The following SPIC variants were observed in gnomAD, a reference collection of about 807,000 sequenced individuals.
The protein encoded by SPIC is Spi-C transcription factor.
SPIC carries 9 observed loss-of-function variants against 16.7 expected under a neutral mutation model. The ratio of observed to expected loss-of-function variants is 0.54; its 90% confidence interval spans 0.33 to 0.94. SPIC has a LOEUF of 0.94. Among genes scored for constraint, SPIC ranks in the 40% least tolerant of loss-of-function variants. The probability of loss-of-function intolerance (pLI) is 0.03; values close to 1 mark genes in which losing one functional copy is unlikely to be tolerated. For missense variants in SPIC, 241 were observed against 285.8 expected, an observed-to-expected ratio of 0.84 and a Z score of 1.13; for synonymous variants, 97 against 102.9, an observed-to-expected ratio of 0.94 and a Z score of 0.35.
chr12:101,479,176 G>A (rs868730020), intron 3 of SPIC, among the ~76,000 whole-genome samples: 6 of 38,490 alleles, frequency 1.6e-4, no homozygotes, highest in East Asian at 1.2e-3. Flanking sequence ...GAAAGAAAAA[G>A]AAAGAAAGAA....
chr12:101,482,696 C>A, intron 4 of SPIC, 96 bp from the exon 5 acceptor site: 1 of 1,175,888 alleles, frequency 8.5e-7, no homozygotes, highest in Non-Finnish European at 1.2e-6. Context: ...ATCTGGGAGA[C>A]GCTTAGCCTC....
chr12:101,479,463 G>C, intron 3 of SPIC, 119 bp from the exon 4 acceptor site: 2 of 687,756 alleles, frequency 2.9e-6, no homozygotes, highest in Non-Finnish European at 4.9e-6. Flanking sequence ...GAAGTGCAAA[G>C]TGGCAAGAAA....
In SPIC at chr12:101,477,554, A is replaced by G. The variant is rs944790019; in HGVS notation, c.4-4A>G. ...ACTCCAGAATTCTATCATTGTTCCAACAGACGTGTGTTGAACAAGACAAGC... is the reference window on the plus strand; with the variant it reads ...ACTCCAGAATTCTATCATTGTTCCAGCAGACGTGTGTTGAACAAGACAAGC... On this transcript the variant is annotated splice_region_variant and splice_polypyrimidine_tract_variant and intron_variant, in intron 2 of 5. Transcript: ENST00000551346. 4.3e-6 allele frequency: 7 copies of G among 1,613,552 alleles called. No individual in the cohort carries two copies. Among genetic ancestry groups the G allele is most frequent in the Non-Finnish European group, 5.9e-6 (7 of 1,179,478 alleles).
intron 3 of SPIC, among the ~76,000 whole-genome samples, chr12:101,479,145 AAAAG>A (rs1565830978): frequency 2.8e-5 from 4 of 143,242 alleles, no homozygotes; most frequent in East Asian, 2.0e-4. Flanking sequence ...TTAAAAAAAA[AAAAG>A]AAAGAAAAGA....
At chr12:101,484,690 G>A (rs1163956905) in intron 5 of SPIC, among the ~76,000 whole-genome samples, 2 of 150,220 alleles carry the variant, frequency 1.3e-5, no homozygotes, top group South Asian at 4.2e-4. Context: ...AAAATTATAG[G>A]CCAGGCATGG....
At position 101,479,278 on chromosome 12, in the gene SPIC, GAAAGAAAAA is replaced by G. The variant is rs1444498019; in HGVS notation, c.98-303_98-295del. 2.0e-4 allele frequency among the ~76,000 whole-genome samples: 12 copies of G among 60,228 alleles called. 1 individual carries two copies. The highest frequency in any genetic ancestry group is 1.0e-3 in the African/African-American group (11 of 10,946). The allele number at this position is 60,228 out of a possible 152,430, so 39.5% of individuals were successfully genotyped here. On this transcript the variant is annotated intron_variant, in intron 3 of 5. Coordinates refer to ENST00000551346, the MANE Select transcript of SPIC (RefSeq NM_152323.3). ...AGAAGGAAGGAAAGAAAGAAAGAAA[GAAAGAAAAA>G]GAAAGAAAGAAAGAAAGAAAAAAGA...
intron 5 of SPIC, among the ~76,000 whole-genome samples, chr12:101,483,951 C>G (rs908673951): frequency 6.6e-6 from 1 of 151,770 alleles, no homozygotes; most frequent in African/African-American, 2.4e-5. Flanking sequence ...CAGAGAGACT[C>G]CCTCACCAAT....
chr12:101,484,662 G>A (rs1333217731), intron 5 of SPIC, among the ~76,000 whole-genome samples: 1 of 150,876 alleles, frequency 6.6e-6, no homozygotes, highest in East Asian at 2.0e-4. Context: ...ATAATTATAG[G>A]CCAGGCATGG....
At chr12:101,480,993 C>T (rs1239042797) in intron 4 of SPIC, among the ~76,000 whole-genome samples, 1 of 152,182 alleles carries the variant, frequency 6.6e-6, no homozygotes, top group Non-Finnish European at 1.5e-5. Context: ...TAGCATGTGC[C>T]TCACAGCCTC....
rs539976810 is a variant in SPIC at position 101,486,593 on chromosome 12, C to T, written c.569C>T (p.Thr190Ile). Residue 190 changes from threonine to isoleucine, a missense_variant, in exon 6 of 6, where the codon ACT (threonine) becomes ATT (isoleucine). Coordinates refer to ENST00000551346, the MANE Select transcript of SPIC (RefSeq NM_152323.3). The stretch of plus-strand genomic sequence containing the variant: ...ATTACCAAAATCCGGAGGAAGCTGA[C>T]TTACCAGTTCAGTGAGGCCATTCTC... ...GEITKIRRKL[T>I]YQFSEAILQR... The T allele has an allele frequency of 4.2e-5, 68 of 1,613,984 alleles. No homozygotes were observed. Among genetic ancestry groups the T allele is most frequent in the Non-Finnish European group, 5.6e-5 (66 of 1,179,996 alleles).
In SPIC at chr12:101,476,989, C is replaced by G. The variant is rs146495226; in HGVS notation, c.3+82C>G. 2.2e-5 allele frequency: 16 copies of G among 739,896 alleles called. No individual in the cohort carries two copies. The East Asian group carries it at 4.6e-4, about 21-fold the overall frequency. 45.8% of individuals were successfully genotyped at this position (739,896 alleles called of 1,614,324 possible). A position where few individuals can be genotyped will look rare whatever the true frequency, so the allele number is the denominator to read the frequency against. On this transcript the variant is annotated intron_variant, in intron 2 of 5. Coordinates refer to ENST00000551346, the MANE Select transcript of SPIC (RefSeq NM_152323.3). ...AATAATTAAAAAACTTTTTTCTTTA[C>G]TCTCCCTCCATTTTAAAAATAAAAT...
In SPIC at chr12:101,486,510, G is replaced by A. The variant is rs148147534; in HGVS notation, c.486G>A (p.Lys162=). Residue 162 remains lysine (K), a synonymous_variant, in exon 6 of 6, where the codon AAG becomes AAA. Coordinates refer to ENST00000551346, the MANE Select transcript of SPIC (RefSeq NM_152323.3). ...GGGGGAAAAGAAAAGGCAACAGGAA[G>A]ACCATGACTTACCAGAAAATGGCCA... The part of the protein sequence containing the change: ...ELWGKRKGNR[K]TMTYQKMARA... 1.5e-3 allele frequency: 2,375 copies of A among 1,614,130 alleles called. 36 individuals carry two copies. The African/African-American group carries it at 0.026, about 18-fold the overall frequency.
intron 3 of SPIC, among the ~76,000 whole-genome samples, chr12:101,479,231 AGAAAGAAAGAAAAAGAAAGAAAGAAG>A (rs1873080899): frequency 1.8e-5 from 2 of 112,226 alleles, no homozygotes; most frequent in African/African-American, 7.3e-5. Context: ...AAGGAAAGAA[AGAAAGAAAGAAAAAGAAAGAAAGAAG>A]GAAGGAAAGA....
Position 101,486,558 on chromosome 12 carries a change from A to G in SPIC, c.534A>G (p.Arg178=), listed in dbSNP as rs559641659. 6 of 1,614,192 alleles carry G rather than the reference A, an allele frequency of 3.7e-6. No individual in the cohort carries two copies. The East Asian group carries it at 1.3e-4, about 36-fold the overall frequency. The stretch of plus-strand genomic sequence containing the variant: ...CCAGGGCACTCAGAAATTACGGAAG[A>G]AGTGGGGAAATTACCAAAATCCGGA... ...KMARALRNYG[R]SGEITKIRRK... The change falls in exon 6 of 6, where the codon AGA becomes AGG. Residue 178 remains arginine, a synonymous_variant. Transcript: ENST00000551346.
chr12:101,477,866 A>T (rs1036986798), intron 3 of SPIC, among the ~76,000 whole-genome samples: 1 of 151,968 alleles, frequency 6.6e-6, no homozygotes, highest in Non-Finnish European at 1.5e-5. Context: ...AAAATACAAA[A>T]ATTAGCTAGG....
At chr12:101,477,708 A>G (rs896866343) in intron 3 of SPIC, 57 bp downstream of exon 3, 6 of 1,417,608 alleles carry the variant, frequency 4.2e-6, no homozygotes, top group Non-Finnish European at 5.0e-6. Context: ...TGTTGGTCAC[A>G]TACACATATA....
chr12:101,480,399 T>G (rs1185072148), intron 4 of SPIC, among the ~76,000 whole-genome samples: 1 of 152,242 alleles, frequency 6.6e-6, no homozygotes, highest in Non-Finnish European at 1.5e-5. Flanking sequence ...TAGACTGCTC[T>G]GTTTTCCTTC....
chr12:101,485,124 G>A (rs567990002), intron 5 of SPIC, among the ~76,000 whole-genome samples: 1 of 152,260 alleles, frequency 6.6e-6, no homozygotes, highest in South Asian at 2.1e-4. Context: ...AGTGATAAAT[G>A]CATCATGCAA....
intron 3 of SPIC, among the ~76,000 whole-genome samples, chr12:101,478,057 A>G (rs1282553287): frequency 1.4e-5 from 2 of 147,510 alleles, no homozygotes; most frequent in Non-Finnish European, 3.0e-5. Flanking sequence ...TTTGAGACGA[A>G]GTCTCACTCT....
Sources: allele counts gnomAD v4.1 joint callset (sites outside exome capture counted in the v4.1 genomes callset), GRCh38; gene constraint gnomAD v4.1.1; transcripts MANE v1.5; gene names NCBI Gene and HGNC (gene_info 2026-07-23, HGNC 2026-07-21).